MYO18B: variants seen among roughly 807,000 people sequenced by gnomAD.
MYO18B encodes myosin XVIIIB.
MYO18B carries 204 observed loss-of-function variants against 273.0 expected under a neutral mutation model. The ratio of observed to expected loss-of-function variants is 0.75; its 90% CI spans 0.67 to 0.84. MYO18B has a LOEUF of 0.84. Among genes scored for constraint, MYO18B ranks in the 40% least tolerant of loss-of-function variants. The probability of loss-of-function intolerance (pLI) is 0.00; values close to 1 mark genes in which losing one functional copy is unlikely to be tolerated. For synonymous variants in MYO18B, 1,330 were observed against 1,305.7 expected (o/e 1.02, Z -0.40); for missense variants, 3,212 against 3,287.6 (o/e 0.98, Z 0.56).
Position 25,768,954 on chromosome 22 carries a change from G to C in MYO18B, c.1038G>C (p.Glu346Asp). ...AAGGGGTGCTCTTAAGTAAGGCAGA[G>C]AAGACAGGTGAGCCTCAGACCCAGA... ...DKEGVLLSKA[E>D]KTGEPQTQME... is the part of the protein sequence containing the mutation. The change falls in exon 4 of 44, where the codon GAG becomes GAC. Residue 346 changes from glutamate (E) to aspartate (D), a missense_variant. Transcript: ENST00000335473. 1.2e-6 allele frequency: 2 copies of C among 1,611,712 alleles called. No individual in the cohort carries two copies. Among genetic ancestry groups the C allele is most frequent in the Non-Finnish European group, 1.7e-6 (2 of 1,178,874 alleles).
intron 40 of MYO18B, among the ~76,000 whole-genome samples, chr22:25,993,402 C>G (rs540034137): frequency 6.6e-6 from 1 of 152,302 alleles, no homozygotes; most frequent in Non-Finnish European, 1.5e-5. Context: ...AATAAAGAAT[C>G]TACAGGGTGG....
At chr22:25,969,345 G>A (rs1343593516) in intron 39 of MYO18B, among the ~76,000 whole-genome samples, 1 of 152,198 alleles carries the variant, frequency 6.6e-6, no homozygotes, top group East Asian at 1.9e-4. Context: ...TTTGTGGTAA[G>A]TAAAAGCAGA....
chr22:25,786,968 C>T (rs2087417998), intron 11 of MYO18B, among the ~76,000 whole-genome samples: 2 of 152,166 alleles, frequency 1.3e-5, no homozygotes, highest in South Asian at 4.1e-4. Flanking sequence ...AATCCCAGCA[C>T]TTTGGGAGGC....
chr22:25,777,044 G>A (rs1175851936), intron 7 of MYO18B, among the ~76,000 whole-genome samples: 1 of 152,180 alleles, frequency 6.6e-6, no homozygotes, highest in Non-Finnish European at 1.5e-5. Context: ...GTGCCCGAGT[G>A]CCTGCTGCAT....
At chr22:25,898,504 C>T (rs1212484450) in intron 29 of MYO18B, 43 bp downstream of exon 29, 4 of 1,601,458 alleles carry the variant, frequency 2.5e-6, no homozygotes, top group Non-Finnish European at 3.4e-6. Context: ...CCAGGGTGGG[C>T]TACATTGGAG....
At chr22:25,813,600 A>G (rs1187959171) in intron 12 of MYO18B, among the ~76,000 whole-genome samples, 1 of 152,196 alleles carries the variant, frequency 6.6e-6, no homozygotes, top group Non-Finnish European at 1.5e-5. Flanking sequence ...CTCTAGGCAG[A>G]GGAACCTGAA....
rs777045415 is a variant in MYO18B, at chr22:25,769,321, C to A, written c.1405C>A (p.Pro469Thr). ...LETELEGPSQ[P>T]ALEKDAERPR... ...GACAGAGCTGGAAGGACCCAGCCAGCCTGCTCTGGAGAAGGATGCAGAAAG... is the reference window on the plus strand; with the variant it reads ...GACAGAGCTGGAAGGACCCAGCCAGACTGCTCTGGAGAAGGATGCAGAAAG... Residue 469 changes from proline (P) to threonine (T), a missense_variant, in exon 4 of 44, where the codon CCT becomes ACT. By Grantham distance (38) the Pro-to-Thr change is conservative. Coordinates refer to ENST00000335473, the MANE Select transcript of MYO18B (RefSeq NM_032608.7). 2 of 1,578,576 alleles carry A rather than the reference C, an allele frequency of 1.3e-6. No individual in the cohort carries two copies. The highest frequency in any genetic ancestry group is 4.7e-5 in the East Asian group (2 of 42,922).
downstream of MYO18B, among the ~76,000 whole-genome samples, chr22:26,031,856 C>T (rs760167534): frequency 5.9e-5 from 9 of 152,200 alleles, no homozygotes; most frequent in Non-Finnish European, 8.8e-5. Flanking sequence ...CTGATGCAGA[C>T]ACAGTCTCCC....
At chr22:25,981,169 A>T (rs2093144410) in intron 39 of MYO18B, among the ~76,000 whole-genome samples, 1 of 152,176 alleles carries the variant, frequency 6.6e-6, no homozygotes, top group Admixed American at 6.6e-5. Context: ...TAGAGACCTT[A>T]TCTCTAAATA....
chr22:26,024,308 CT>C (rs1246224827), intron 42 of MYO18B, among the ~76,000 whole-genome samples: 2 of 152,208 alleles, frequency 1.3e-5, no homozygotes, highest in Non-Finnish European at 2.9e-5. Context: ...GTTTCTTTCA[CT>C]GTCCCAGCTG....
chr22:25,962,339 A>G (rs2092926876), intron 39 of MYO18B, among the ~76,000 whole-genome samples: 1 of 152,194 alleles, frequency 6.6e-6, no homozygotes, highest in Non-Finnish European at 1.5e-5. Context: ...TAGAGAGAGA[A>G]ACCCTGAGAG....
Position 25,769,167 on chromosome 22 carries a change from A to T in MYO18B, c.1251A>T (p.Glu417Asp). 2 of 1,612,716 alleles carry T rather than the reference A, an allele frequency of 1.2e-6. No homozygotes were observed. The highest frequency in any genetic ancestry group is 1.7e-6 in the Non-Finnish European group (2 of 1,179,436). ...GGAGTCAGACAGAGAAGGGCTGTGA[A>T]GCCCCAAAGGAGGTGAGCACAATGG... is the stretch of plus-strand genomic sequence containing the variant. ...EARSQTEKGC[E>D]APKEVSTMVE... The change falls in exon 4 of 44, where the codon GAA becomes GAT. Residue 417 changes from glutamate to aspartate, a missense_variant. Transcript: ENST00000335473.
At chr22:25,864,830 C>T (rs181917297) in intron 21 of MYO18B, among the ~76,000 whole-genome samples, 32 of 152,220 alleles carry the variant, frequency 2.1e-4, no homozygotes, top group African/African-American at 5.5e-4. Flanking sequence ...ATTTGACTCA[C>T]GAAAAAGCAG....
chr22:25,829,711 G>A (rs1329310056), intron 15 of MYO18B, among the ~76,000 whole-genome samples: 1 of 151,982 alleles, frequency 6.6e-6, no homozygotes, highest in South Asian at 2.1e-4. Context: ...AGTGGCGCAC[G>A]CCCATAATCC....
intron 39 of MYO18B, among the ~76,000 whole-genome samples, chr22:25,975,712 C>T (rs1347949554): frequency 2.0e-5 from 3 of 152,180 alleles, no homozygotes; most frequent in Non-Finnish European, 4.4e-5. Context: ...ACACAGATCA[C>T]CCGGGGATAT....
chr22:25,826,848 T>TC (rs2089510729), intron 14 of MYO18B, among the ~76,000 whole-genome samples: 1 of 152,078 alleles, frequency 6.6e-6, no homozygotes, highest in South Asian at 2.1e-4. Context: ...TCACCTGAGA[T>TC]CAGGAATTCA....
intron 33 of MYO18B, among the ~76,000 whole-genome samples, chr22:25,918,147 T>C (rs2092290038): frequency 6.6e-6 from 1 of 152,218 alleles, no homozygotes; most frequent in African/African-American, 2.4e-5. Context: ...CTTTTTTTCA[T>C]AGTGTTCTCA....
In MYO18B at chr22:25,876,003, CGT is replaced by C. The variant is rs4049349; in HGVS notation, c.4081-145_4081-144del. Among the ~76,000 whole-genome samples the C allele has an allele frequency of 0.2, 27,363 of 139,638 alleles. 2,523 individuals are homozygous for C. Among genetic ancestry groups the C allele is most frequent in the Non-Finnish European group, 0.24 (15,573 of 64,320 alleles). The allele number at this position is 139,638 out of a possible 152,430, so 91.6% of individuals were successfully genotyped here. On this transcript the variant is annotated intron_variant, in intron 23 of 43. Coordinates refer to ENST00000335473, the MANE Select transcript of MYO18B (RefSeq NM_032608.7). ...CAAAAAGACTACAAGAAAGGAAGCC[CGT>C]GTGTGTGTGTGTGTGTGTGTGTGTG...
intron 16 of MYO18B, among the ~76,000 whole-genome samples, chr22:25,833,399 G>A (rs992540914): frequency 6.6e-6 from 1 of 152,136 alleles, no homozygotes; most frequent in Non-Finnish European, 1.5e-5. Context: ...GGGACCTTGG[G>A]CACTGGAGAA....
Sources: gnomAD v4.1 joint callset for allele counts (sites outside exome capture counted in the v4.1 genomes callset) on GRCh38, gnomAD v4.1.1 for gene constraint, MANE v1.5 for transcripts, NCBI Gene and HGNC (gene_info 2026-07-23, HGNC 2026-07-21) for gene names.